The following CAMK1D variants were observed in gnomAD, a reference collection of about 807,000 sequenced individuals.
CAMK1D encodes calcium/calmodulin dependent protein kinase ID.
A neutral mutation model predicts 47.7 loss-of-function variants in CAMK1D; 9 were observed. The ratio of observed to expected loss-of-function variants is 0.19; its 90% CI spans 0.11 to 0.33. The LOEUF is 0.33. Among genes scored for constraint, CAMK1D ranks in the 10% least tolerant of loss-of-function variants. The pLI is 1.00. For synonymous variants in CAMK1D, 184 were observed against 184.9 expected, an observed-to-expected ratio of 0.99 and a Z score of 0.04; for missense variants, 291 against 488.7, an observed-to-expected ratio of 0.60 and a Z score of 3.81.
chr10:12,552,977 A>C (rs542408355), intron 1 of CAMK1D, among the ~76,000 whole-genome samples: 1 of 152,248 alleles, frequency 6.6e-6, no homozygotes, highest in Non-Finnish European at 1.5e-5. Flanking sequence ...TCCTGACCTC[A>C]GGTGGTCTGC....
intron 3 of CAMK1D, among the ~76,000 whole-genome samples, chr10:12,723,701 T>TG (rs1466533059): frequency 6.6e-6 from 1 of 152,212 alleles, no homozygotes; most frequent in Non-Finnish European, 1.5e-5. Context: ...TTTATATCCT[T>TG]GCAGTAGTTT....
In CAMK1D at chr10:12,390,892, G is replaced by A. The variant is rs2724811; in HGVS notation, c.92+40982G>A. Among the ~76,000 whole-genome samples the A allele has an allele frequency of 4.4e-3, 674 of 152,124 alleles. 4 individuals carry two copies. The highest frequency in any genetic ancestry group is 0.015 in the African/African-American group (630 of 41,486). On this transcript the variant is annotated intron_variant, in intron 1 of 10. Coordinates refer to ENST00000619168, the MANE Select transcript of CAMK1D (RefSeq NM_153498.4). ...ATTCAGAATGAACTCAGGCTCAAGCGTGCGTGAATAAGAGGATGCTGTGCA... is the reference window on the plus strand; with the variant it reads ...ATTCAGAATGAACTCAGGCTCAAGCATGCGTGAATAAGAGGATGCTGTGCA...
At chr10:12,696,095 C>T (rs1476784128) in intron 3 of CAMK1D, among the ~76,000 whole-genome samples, 1 of 151,884 alleles carries the variant, frequency 6.6e-6, no homozygotes, top group Non-Finnish European at 1.5e-5. Context: ...ATCTCAAAAA[C>T]AAAATAAAAT....
intron 3 of CAMK1D, among the ~76,000 whole-genome samples, chr10:12,708,932 C>T (rs75255275): frequency 0.05 from 7,563 of 152,264 alleles, 566 homozygotes; most frequent in African/African-American, 0.16. Flanking sequence ...TGAGCCACCA[C>T]GCCCGACCCG....
chr10:12,477,031 G>A (rs1833922604), intron 1 of CAMK1D, among the ~76,000 whole-genome samples: 1 of 152,170 alleles, frequency 6.6e-6, no homozygotes, highest in Non-Finnish European at 1.5e-5. Context: ...GAGGTCTGAT[G>A]CCTAGGATGG....
chr10:12,771,570 C>G lies in CAMK1D; in HGVS notation c.565+1771C>G, dbSNP rs7912119. 2.2e-3 allele frequency among the ~76,000 whole-genome samples: 341 copies of G among 151,962 alleles called. 2 individuals carry two copies. The highest frequency in any genetic ancestry group is 7.8e-3 in the African/African-American group (322 of 41,410). ...AGAGCAGGCTGAGGCGGGCAGAGAACAAAATAAGGGGAAGGGAAAGAAGCA... is the reference window on the plus strand; with the variant it reads ...AGAGCAGGCTGAGGCGGGCAGAGAAGAAAATAAGGGGAAGGGAAAGAAGCA... On this transcript the variant is annotated intron_variant, in intron 5 of 10. Transcript: ENST00000619168.
intron 1 of CAMK1D, among the ~76,000 whole-genome samples, chr10:12,547,682 T>TCACACACA (rs1554786375): frequency 3.4e-5 from 4 of 116,574 alleles, no homozygotes; most frequent in South Asian, 6.6e-4. Context: ...TTTCTCTCTC[T>TCACACACA]CACACACACA....
intron 3 of CAMK1D, among the ~76,000 whole-genome samples, chr10:12,700,485 G>A (rs1833473573): frequency 6.6e-6 from 1 of 152,176 alleles, no homozygotes; most frequent in Non-Finnish European, 1.5e-5. Context: ...CCCACCACAT[G>A]TGGGAATTAA....
chr10:12,556,840 CTA>C lies in CAMK1D; in HGVS notation c.224+3486_224+3487del, dbSNP rs377472393. Among the ~76,000 whole-genome samples, 80 of 152,200 alleles carry C rather than the reference CTA, an allele frequency of 5.3e-4. No individual in the cohort carries two copies. The East Asian group carries it at 0.015, about 29-fold the overall frequency. ...AAGAATGGACTGGGGGGCCAGGACTCTATGTATGTAGGGAGAATAGTGAGGAG... is the reference window on the plus strand; with the variant it reads ...AAGAATGGACTGGGGGGCCAGGACTCTGTATGTAGGGAGAATAGTGAGGAG... On this transcript the variant is annotated intron_variant, in intron 2 of 10. Transcript: ENST00000619168.
In CAMK1D at chr10:12,349,592, CGCG is replaced by C; in HGVS notation, c.-218_-216del. The stretch of plus-strand genomic sequence containing the variant: ...GCAGGCGGCGGCAAAGGAGCCGGCG[CGCG>C]GCGGCGGCAGGAAGTCTGTGCCCGA... On this transcript the variant is annotated 5_prime_UTR_variant, in exon 1 of 11. Transcript: ENST00000619168. 2 of 154,778 alleles carry C rather than the reference CGCG, an allele frequency of 1.3e-5. No homozygotes were observed. The highest frequency in any genetic ancestry group is 2.8e-5 in the Non-Finnish European group (2 of 70,386). The allele number at this position is 154,778 out of a possible 1,614,324, so 9.6% of individuals were successfully genotyped here. A position where few individuals can be genotyped will look rare whatever the true frequency, so the allele number is the denominator to read the frequency against.
At chr10:12,636,712 A>G (rs1564459728) in intron 2 of CAMK1D, among the ~76,000 whole-genome samples, 1 of 152,190 alleles carries the variant, frequency 6.6e-6, no homozygotes, top group African/African-American at 2.4e-5. Flanking sequence ...AGATGTCGGA[A>G]TGGGCATTTG....
intron 2 of CAMK1D, among the ~76,000 whole-genome samples, chr10:12,594,086 G>A (rs1351435981): frequency 1.3e-5 from 2 of 152,186 alleles, no homozygotes; most frequent in African/African-American, 4.8e-5. Flanking sequence ...TGAGGCAGGA[G>A]AATCACTTGA....
chr10:12,833,714 A>G lies in CAMK1D; in HGVS notation c.*4827A>G, dbSNP rs571444730. 1 of 152,212 alleles carries G rather than the reference A, an allele frequency of 6.6e-6. No homozygotes were observed. The highest frequency in any genetic ancestry group is 6.5e-5 in the Admixed American group (1 of 15,282). The allele number at this position is 152,212 out of a possible 1,614,324, so 9.4% of individuals were successfully genotyped here. On this transcript the variant is annotated 3_prime_UTR_variant, in exon 11 of 11. Transcript: ENST00000619168. ...CAAAGGGAAGCTCCTCCCGTTTTTCATAAACAGAAGTAAGATGTCCTCTTT... is the reference window on the plus strand; with the variant it reads ...CAAAGGGAAGCTCCTCCCGTTTTTCGTAAACAGAAGTAAGATGTCCTCTTT...
In CAMK1D at chr10:12,699,135, C is replaced by T. The variant is rs574250007; in HGVS notation, c.299+32325C>T. On this transcript the variant is annotated intron_variant, in intron 3 of 10. Coordinates refer to ENST00000619168, the MANE Select transcript of CAMK1D (RefSeq NM_153498.4). ...CCTTGTTATGGTGGCGAAGGACTCTCTGGTGACCCTTTCTCAGGCATTTTT... is the reference window on the plus strand; with the variant it reads ...CCTTGTTATGGTGGCGAAGGACTCTTTGGTGACCCTTTCTCAGGCATTTTT... Among the ~76,000 whole-genome samples the T allele has an allele frequency of 1.7e-4, 26 of 152,272 alleles. 1 individual carries two copies. Among genetic ancestry groups the T allele is most frequent in the Admixed American group, 1.4e-3 (22 of 15,294 alleles).
chr10:12,361,472 C>T (rs567148010), intron 1 of CAMK1D, among the ~76,000 whole-genome samples: 3 of 151,000 alleles, frequency 2.0e-5, no homozygotes, highest in South Asian at 4.2e-4. Context: ...GTCTCGATCT[C>T]CTGACCTTAT....
At chr10:12,490,867 G>C (rs74227220) in intron 1 of CAMK1D, among the ~76,000 whole-genome samples, 1,623 of 152,226 alleles carry the variant, frequency 0.011, 59 homozygotes, top group South Asian at 0.092. Context: ...ACGCTGATTT[G>C]GTGATGACAT....
At chr10:12,532,132 A>AT (rs1835824010) in intron 1 of CAMK1D, among the ~76,000 whole-genome samples, 1 of 152,116 alleles carries the variant, frequency 6.6e-6, no homozygotes, top group Non-Finnish European at 1.5e-5. Context: ...GAAAAATCTT[A>AT]TTTTTTTATT....
chr10:12,817,460 G>A (rs1319007914), intron 8 of CAMK1D, among the ~76,000 whole-genome samples: 1 of 152,178 alleles, frequency 6.6e-6, no homozygotes, highest in East Asian at 1.9e-4. Context: ...GTGGGCGTGA[G>A]GCTACCTTGC....
chr10:12,575,772 G>A (rs1000362136), intron 2 of CAMK1D, among the ~76,000 whole-genome samples: 12 of 152,214 alleles, frequency 7.9e-5, no homozygotes, highest in African/African-American at 2.9e-4. Flanking sequence ...TTGAGCTTAA[G>A]AAGACAGTGG....
Sources: allele counts gnomAD v4.1 joint callset (sites outside exome capture counted in the v4.1 genomes callset), GRCh38; gene constraint gnomAD v4.1.1; transcripts MANE v1.5; gene names NCBI Gene and HGNC (gene_info 2026-07-23, HGNC 2026-07-21).